The following COG2 variants were observed in gnomAD, a reference collection of about 807,000 sequenced individuals.
COG2 encodes the protein component of oligomeric golgi complex 2, also known as conserved oligomeric Golgi complex subunit 2.
COG2 carries 52 observed loss-of-function variants against 90.6 expected under a neutral mutation model. The ratio of observed to expected loss-of-function variants is 0.57; its 90% CI spans 0.46 to 0.72. The LOEUF is 0.72. Among genes scored for constraint, COG2 ranks in the 30% least tolerant of loss-of-function variants. COG2 has a pLI of 0.00. For synonymous variants in COG2, 337 were observed against 320.4 expected (o/e 1.05, Z -0.55); for missense variants, 829 against 891.2 (o/e 0.93, Z 0.89).
intron 1 of COG2, among the ~76,000 whole-genome samples, chr1:230,644,574 C>G (rs1661714556): frequency 1.3e-5 from 2 of 152,200 alleles, no homozygotes; most frequent in Non-Finnish European, 2.9e-5. Context: ...GAAATCCACT[C>G]TCTTCTGTTA....
intron 1 of COG2, among the ~76,000 whole-genome samples, chr1:230,650,543 A>G (rs562553431): frequency 6.6e-6 from 1 of 152,098 alleles, no homozygotes; most frequent in Non-Finnish European, 1.5e-5. Flanking sequence ...CCACTTTTTA[A>G]TGGGGTTACT....
At chr1:230,675,482 A>ATCTG (rs2102763015) in intron 9 of COG2, among the ~76,000 whole-genome samples, 1 of 152,316 alleles carries the variant, frequency 6.6e-6, no homozygotes, top group African/African-American at 2.4e-5. Flanking sequence ...CTGCCATATA[A>ATCTG]TTTTGAATGA....
At chr1:230,651,262 G>A (rs1457662152) in intron 1 of COG2, among the ~76,000 whole-genome samples, 1 of 152,000 alleles carries the variant, frequency 6.6e-6, no homozygotes, top group East Asian at 1.9e-4. Flanking sequence ...TATATTTGGG[G>A]AACATTTTAC....
At chr1:230,685,921 G>A (rs933392181) in intron 12 of COG2, among the ~76,000 whole-genome samples, 17 of 152,128 alleles carry the variant, frequency 1.1e-4, no homozygotes, top group African/African-American at 4.1e-4. Context: ...AGTATGCAAA[G>A]GAGATGTGTT....
At chr1:230,678,241 G>T (rs2102765285) in intron 9 of COG2, 1 of 985,326 alleles carries the variant, frequency 1.0e-6, no homozygotes, top group South Asian at 4.7e-5. Context: ...CTACCGCCTG[G>T]CTTGTCTTTT....
chr1:230,659,376 G>A, intron 1 of COG2, 88 bp from the exon 2 acceptor site: 1 of 1,076,750 alleles, frequency 9.3e-7, no homozygotes, highest in Non-Finnish European at 1.4e-6. Flanking sequence ...GACGGGAATG[G>A]GCTTTCTTAC....
intron 10 of COG2, 62 bp from the exon 11 acceptor site, chr1:230,683,512 G>A: frequency 7.8e-7 from 1 of 1,277,976 alleles, no homozygotes; most frequent in East Asian, 2.3e-5. Flanking sequence ...AACAGAGAAT[G>A]GATAGGGAAA....
intron 3 of COG2, 57 bp downstream of exon 3, chr1:230,660,880 C>A: frequency 8.2e-7 from 1 of 1,217,872 alleles, no homozygotes; most frequent in Non-Finnish European, 1.1e-6. Context: ...TGCTTGTTTG[C>A]CCTTCCAAAA....
At chr1:230,642,798 C>T in intron 1 of COG2, 120 bp downstream of exon 1, 2 of 921,046 alleles carry the variant, frequency 2.2e-6, no homozygotes, top group Non-Finnish European at 3.3e-6. Context: ...AGGTCCTCCG[C>T]CGAGACCTCG....
intron 8 of COG2, among the ~76,000 whole-genome samples, chr1:230,674,227 A>T (rs1662530989): frequency 6.6e-6 from 1 of 152,230 alleles, no homozygotes; most frequent in Non-Finnish European, 1.5e-5. Flanking sequence ...AATTCTTATA[A>T]TGACTTTGTG....
Position 230,679,011 on chromosome 1 carries a change from C to G in COG2, c.1125C>G (p.Ser375Arg). 6.2e-7 allele frequency: 1 copy of G among 1,613,608 alleles called. No individual in the cohort carries two copies. The highest frequency in any genetic ancestry group is 8.5e-7 in the Non-Finnish European group (1 of 1,179,576). ...KRLRAHPAYH[S>R]FNKKWNLPVY... is the part of the protein sequence containing the mutation. Reference sequence around the variant, plus strand: ...TAAGAGCCCATCCTGCCTATCACAGCTTCAATAAGAAGTGGAACTTGCCTG... The same window carrying G: ...TAAGAGCCCATCCTGCCTATCACAGGTTCAATAAGAAGTGGAACTTGCCTG... Residue 375 changes from serine to arginine, a missense_variant, in exon 10 of 18, where the codon AGC (serine) becomes AGG (arginine). Physicochemically the swap from Ser to Arg is moderately radical, Grantham distance 110 (BLOSUM62 -1). Transcript: ENST00000366669.
At chr1:230,653,188 T>C (rs1661955476) in intron 1 of COG2, among the ~76,000 whole-genome samples, 1 of 152,054 alleles carries the variant, frequency 6.6e-6, no homozygotes, top group African/African-American at 2.4e-5. Context: ...CTACTTTTTG[T>C]TTCAATGAAT....
chr1:230,671,703 A>G, intron 8 of COG2, 63 bp downstream of exon 8: 1 of 1,504,310 alleles, frequency 6.6e-7, no homozygotes, highest in South Asian at 1.2e-5. Context: ...TGCTAATTGC[A>G]GGTGCACGAT....
intron 5 of COG2, among the ~76,000 whole-genome samples, chr1:230,667,540 A>G (rs760065084): frequency 2.6e-5 from 4 of 152,230 alleles, no homozygotes; most frequent in African/African-American, 9.6e-5. Context: ...AGGTAAAACC[A>G]GGGCAATATT....
Position 230,662,245 on chromosome 1 carries a change from C to A in COG2, c.301-896C>A, listed in dbSNP as rs113274856. ...TTGGTTTAGCCGTAGACCTGTTCTT[C>A]CTTTTTGGCTTCCAACTCATGAAGC... On this transcript the variant is annotated intron_variant, in intron 3 of 17. Coordinates refer to ENST00000366669, the MANE Select transcript of COG2 (RefSeq NM_007357.3). 7.8e-3 allele frequency among the ~76,000 whole-genome samples: 1,195 copies of A among 152,264 alleles called. 14 individuals are homozygous for A. Among genetic ancestry groups the A allele is most frequent in the African/African-American group, 0.027 (1,112 of 41,544 alleles).
intron 7 of COG2, chr1:230,669,751 A>AGGAATGCTGC: frequency 2.4e-6 from 1 of 419,724 alleles, no homozygotes; most frequent in East Asian, 3.6e-5. Context: ...CAGGTGTCCT[A>AGGAATGCTGC]GGAATGCTGC....
chr1:230,672,025 T>C (rs1662460582), intron 8 of COG2, among the ~76,000 whole-genome samples: 1 of 152,210 alleles, frequency 6.6e-6, no homozygotes. Context: ...TGTGAACTCA[T>C]CTTCAATTTT....
At chr1:230,690,397 C>T in intron 16 of COG2, 1 of 371,318 alleles carries the variant, frequency 2.7e-6, no homozygotes, top group Non-Finnish European at 4.9e-6. Flanking sequence ...GCACAGTGCC[C>T]CCGCATCTCC....
At chr1:230,642,989 G>A (rs1354228075) in intron 1 of COG2, 2 of 325,214 alleles carry the variant, frequency 6.1e-6, no homozygotes, top group African/African-American at 2.2e-5. Context: ...CAGATTGCCA[G>A]TCCCCTTGTC....
Sources: gnomAD v4.1 joint callset for allele counts (sites outside exome capture counted in the v4.1 genomes callset) on GRCh38, gnomAD v4.1.1 for gene constraint, MANE v1.5 for transcripts, NCBI Gene and HGNC (gene_info 2026-07-23, HGNC 2026-07-21) for gene names.